Variants in AKAP6 observed in about 807,000 individuals in gnomAD.
AKAP6 encodes the protein A-kinase anchor protein 6.
AKAP6 carries 58 observed loss-of-function variants against 188.5 expected under a neutral mutation model. The observed-to-expected ratio is 0.31, with a 90% CI of 0.25 to 0.38. AKAP6 has a LOEUF of 0.38. Among genes scored for constraint, AKAP6 ranks in the 10% least tolerant of loss-of-function variants. The pLI is 1.00. For missense variants in AKAP6, 2,710 were observed against 2,740.0 expected (o/e 0.99, Z 0.24); for synonymous variants, 989 against 998.6 (o/e 0.99, Z 0.18).
At position 32,596,786 on chromosome 14, in the gene AKAP6, A is replaced by C. The variant is rs531251177; in HGVS notation, c.2470-2624A>C. On this transcript the variant is annotated intron_variant, in intron 5 of 13. Coordinates refer to ENST00000280979, the MANE Select transcript of AKAP6 (RefSeq NM_004274.5). Reference sequence around the variant, plus strand: ...GTATCAAGTTTAAGGAAAGAACAGCAACAAAAAAATAAAACCCTTTCATCC... The same window carrying C: ...GTATCAAGTTTAAGGAAAGAACAGCCACAAAAAAATAAAACCCTTTCATCC... Among the ~76,000 whole-genome samples the C allele has an allele frequency of 6.6e-5, 10 of 152,344 alleles. No homozygotes were observed. The East Asian group carries it at 1.5e-3, about 24-fold the overall frequency.
At chr14:32,788,399 G>T (rs900143404) in intron 12 of AKAP6, among the ~76,000 whole-genome samples, 1 of 152,164 alleles carries the variant, frequency 6.6e-6, no homozygotes, top group Non-Finnish European at 1.5e-5. Flanking sequence ...GTCTGTGGCC[G>T]CGGAACTCAC....
chr14:32,728,152 A>G (rs2030966930), intron 9 of AKAP6, among the ~76,000 whole-genome samples: 1 of 149,900 alleles, frequency 6.7e-6, no homozygotes, highest in South Asian at 2.1e-4. Context: ...GAGGAGGGCA[A>G]ACACTAGCCA....
At chr14:32,736,003 C>T (rs2031403774) in intron 11 of AKAP6, 121 bp downstream of exon 11, 1 of 739,708 alleles carries the variant, frequency 1.4e-6, no homozygotes, top group African/African-American at 1.8e-5. Flanking sequence ...TAAATGTTTC[C>T]TTGAATTTAT....
chr14:32,334,109 A>G (rs1886615456), intron 1 of AKAP6, among the ~76,000 whole-genome samples: 1 of 152,138 alleles, frequency 6.6e-6, no homozygotes, highest in African/African-American at 2.4e-5. Flanking sequence ...GTGGTTTTTC[A>G]GAGGAATAGC....
intron 1 of AKAP6, among the ~76,000 whole-genome samples, chr14:32,395,393 G>A (rs1200463098): frequency 6.6e-6 from 1 of 152,080 alleles, no homozygotes; most frequent in Non-Finnish European, 1.5e-5. Context: ...AAGAAAGTGA[G>A]GCACAGTGCC....
intron 2 of AKAP6, among the ~76,000 whole-genome samples, chr14:32,499,899 G>A (rs7148326): frequency 0.12 from 18,003 of 151,740 alleles, 1,146 homozygotes; most frequent in Non-Finnish European, 0.14. Context: ...CCTATTATTA[G>A]GAATAGAACT....
chr14:32,420,958 T>TAA (rs1174801097), intron 1 of AKAP6, among the ~76,000 whole-genome samples: 2 of 151,782 alleles, frequency 1.3e-5, no homozygotes, highest in Admixed American at 6.6e-5. Context: ...AAAATACCTT[T>TAA]ATTCTACCCT....
intron 11 of AKAP6, among the ~76,000 whole-genome samples, chr14:32,769,881 T>C (rs938422013): frequency 2.0e-5 from 3 of 152,190 alleles, no homozygotes; most frequent in African/African-American, 7.2e-5. Context: ...TATATGACAT[T>C]CAATGTCAAG....
chr14:32,437,446 G>A (rs1478558173), intron 2 of AKAP6, among the ~76,000 whole-genome samples: 3 of 152,084 alleles, frequency 2.0e-5, no homozygotes, highest in Admixed American at 6.6e-5. Flanking sequence ...TTTAAAAAAC[G>A]TAGTTGGAAA....
At chr14:32,582,075 G>T (rs1425225608) in intron 5 of AKAP6, among the ~76,000 whole-genome samples, 1 of 151,810 alleles carries the variant, frequency 6.6e-6, no homozygotes, top group African/African-American at 2.4e-5. Context: ...AGTTGATGCA[G>T]TTTCTTCCTA....
intron 12 of AKAP6, among the ~76,000 whole-genome samples, chr14:32,775,626 T>C (rs1251986317): frequency 1.3e-5 from 2 of 152,078 alleles, no homozygotes; most frequent in Non-Finnish European, 2.9e-5. Context: ...TGTAGAGACA[T>C]GGTCTCACTA....
intron 1 of AKAP6, among the ~76,000 whole-genome samples, chr14:32,348,128 A>G (rs1887127979): frequency 6.6e-6 from 1 of 152,196 alleles, no homozygotes; most frequent in Non-Finnish European, 1.5e-5. Flanking sequence ...GGGTGGGACC[A>G]TGCCAGGAGC....
intron 1 of AKAP6, among the ~76,000 whole-genome samples, chr14:32,432,390 A>C (rs1029200169): frequency 6.6e-6 from 1 of 152,206 alleles, no homozygotes; most frequent in Non-Finnish European, 1.5e-5. Flanking sequence ...TCATCTTAAA[A>C]TGCCACCTTA....
intron 1 of AKAP6, among the ~76,000 whole-genome samples, chr14:32,388,869 A>T (rs960629087): frequency 5.1e-4 from 77 of 152,194 alleles, no homozygotes; most frequent in African/African-American, 1.8e-3. Context: ...TGTTAAGTCC[A>T]TTTGTTCCAG....
intron 7 of AKAP6, among the ~76,000 whole-genome samples, chr14:32,637,969 C>T (rs1262013553): frequency 6.6e-6 from 1 of 152,028 alleles, no homozygotes; most frequent in Non-Finnish European, 1.5e-5. Context: ...GTGCCATAAT[C>T]TTCAACCAAT....
intron 12 of AKAP6, among the ~76,000 whole-genome samples, chr14:32,812,863 AG>A (rs2034271541): frequency 6.6e-6 from 1 of 152,192 alleles, no homozygotes; most frequent in Non-Finnish European, 1.5e-5. Flanking sequence ...CTCTATAAAA[AG>A]TTTCTCTACA....
At chr14:32,390,919 G>A (rs762580177) in intron 1 of AKAP6, among the ~76,000 whole-genome samples, 7 of 152,036 alleles carry the variant, frequency 4.6e-5, no homozygotes, top group African/African-American at 7.2e-5. Flanking sequence ...CCTCCTGTCC[G>A]CCATGATCCC....
At chr14:32,628,051 G>C (rs1887099445) in intron 7 of AKAP6, 1 of 152,072 alleles carries the variant, frequency 6.6e-6, no homozygotes, top group South Asian at 2.1e-4. Context: ...AGAAGAACCT[G>C]TAATGGAAAA....
chr14:32,741,728 A>T (rs957124023), intron 11 of AKAP6, among the ~76,000 whole-genome samples: 1 of 151,392 alleles, frequency 6.6e-6, no homozygotes. Flanking sequence ...GGTCGTGATG[A>T]ATAATCTTTT....
Sources: gnomAD v4.1 joint callset for allele counts (sites outside exome capture counted in the v4.1 genomes callset) on GRCh38, gnomAD v4.1.1 for gene constraint, MANE v1.5 for transcripts, NCBI Gene and HGNC (gene_info 2026-07-23, HGNC 2026-07-21) for gene names.